The following TPRN variants were observed in gnomAD, a reference collection of about 807,000 sequenced individuals.
The protein encoded by TPRN is chromosome 9 open reading frame 75.
In TPRN, 32 loss-of-function variants were observed where a neutral mutation model predicts 42.6. The observed-to-expected ratio is 0.75, with a 90% CI of 0.57 to 1.01. The LOEUF is 1.01. TPRN is among the 50% of genes least tolerant of loss of function. The pLI is 0.00. For missense variants in TPRN, 1,095 were observed against 957.5 expected, an observed-to-expected ratio of 1.14 and a Z score of -1.90; for synonymous variants, 541 against 445.6, an observed-to-expected ratio of 1.21 and a Z score of -2.70.
rs1255188610 is a variant in TPRN at position 137,199,528 on chromosome 9, T to C, written c.1184A>G (p.Glu395Gly). 6.4e-7 allele frequency: 1 copy of C among 1,569,076 alleles called. No homozygotes were observed. Among genetic ancestry groups the C allele is most frequent in the East Asian group, 2.4e-5 (1 of 42,160 alleles). The change falls in exon 1 of 4, where the codon GAG (glutamate) becomes GGG (glycine). Residue 395 changes from glutamate to glycine, a missense_variant. Physicochemically the swap from Glu to Gly is moderately conservative, Grantham distance 98. Coordinates refer to ENST00000409012, the MANE Select transcript of TPRN (RefSeq NM_001128228.3). ...PLEVEAQWAV[E>G]EGACPRTATA... ...GGCTGTCCTGGGACAGGCCCCCTCCTCGACTGCCCACTGTGCCTCGACCTC... is the reference window on the plus strand; with the variant it reads ...GGCTGTCCTGGGACAGGCCCCCTCCCCGACTGCCCACTGTGCCTCGACCTC...
chr9:137,192,791 G>A (rs1291397097), intron 1 of TPRN, 100 bp from the exon 2 acceptor site: 2 of 1,341,614 alleles, frequency 1.5e-6, no homozygotes, highest in Admixed American at 1.7e-5. Context: ...GACCCAAGTG[G>A]GGCGCCAGAC....
In TPRN at chr9:137,192,347, G is replaced by C. The variant is rs767355968; in HGVS notation, c.1985C>G (p.Pro662Arg). 25 of 1,612,972 alleles carry C rather than the reference G, an allele frequency of 1.5e-5. No homozygotes were observed. The highest frequency in any genetic ancestry group is 1.9e-5 in the Non-Finnish European group (23 of 1,180,014). The change falls in exon 3 of 4, where the codon CCG (proline) becomes CGG (arginine). Residue 662 changes from proline (P) to arginine (R), a missense_variant. Physicochemically the swap from Pro to Arg is moderately radical, Grantham distance 103. Coordinates refer to ENST00000409012, the MANE Select transcript of TPRN (RefSeq NM_001128228.3). Reference protein sequence around the residue: ...EGSSGLSSYTPKHSVAFSKWQ... With the variant: ...EGSSGLSSYTRKHSVAFSKWQ... ...CTTGCTGAAGGCCACAGAGTGCTTC[G>C]GGGTGTAGCTGGACAGGCCTGTGAA...
In TPRN at chr9:137,200,148, G is replaced by A. The variant is rs1834782277; in HGVS notation, c.564C>T (p.Ser188=). 3.3e-6 allele frequency: 4 copies of A among 1,216,950 alleles called. No homozygotes were observed. Among genetic ancestry groups the A allele is most frequent in the Admixed American group, 4.4e-5 (1 of 22,810 alleles). The allele number at this position is 1,216,950 out of a possible 1,614,324, so 75.4% of individuals were successfully genotyped here. The change falls in exon 1 of 4, where the codon AGC becomes AGT. Residue 188 remains serine, a synonymous_variant. Transcript: ENST00000409012. This position sits in a 1 kb window ranked among gnomAD's most constrained non-coding sequence, Gnocchi z 4.3. ...AAPGPRGGGA[S]PGARRSDFLQ... ...GGAAGTCGCTGCGCCGGGCCCCGGG[G>A]CTCGCCCCGCCACCGCGGGGCCCGG...
intron 1 of TPRN, among the ~76,000 whole-genome samples, chr9:137,195,670 C>T (rs1834694896): frequency 6.6e-6 from 1 of 152,150 alleles, no homozygotes; most frequent in South Asian, 2.1e-4. Flanking sequence ...AGGACTGAGC[C>T]CTGGGGACAC....
chr9:137,194,929 A>C (rs995085614), intron 1 of TPRN: 3 of 152,396 alleles, frequency 2.0e-5, no homozygotes, highest in Non-Finnish European at 4.4e-5. Flanking sequence ...CCAACAGAGC[A>C]GGCAGGTGGG....
In TPRN at chr9:137,199,355, G is replaced by A. The variant is rs555138530; in HGVS notation, c.1357C>T (p.Leu453=). The A allele has an allele frequency of 1.2e-6, 2 of 1,612,770 alleles. No individual in the cohort carries two copies. The highest frequency in any genetic ancestry group is 2.2e-5 in the East Asian group (1 of 44,884). Residue 453 remains leucine, a synonymous_variant, in exon 1 of 4, where the codon CTG becomes TTG. Coordinates refer to ENST00000409012, the MANE Select transcript of TPRN (RefSeq NM_001128228.3). Reference sequence around the variant, plus strand: ...ACCTCATCGATGAAGGTGACAGGCAGCCCCGGCCTCACATATTCCCGGCTA... The same window carrying A: ...ACCTCATCGATGAAGGTGACAGGCAACCCCGGCCTCACATATTCCCGGCTA... ...KNSREYVRPG[L]PVTFIDEVDS...
intron 1 of TPRN, among the ~76,000 whole-genome samples, chr9:137,198,675 G>A (rs1389319217): frequency 6.6e-6 from 1 of 152,264 alleles, no homozygotes; most frequent in African/African-American, 2.4e-5. Context: ...ACTCACAAAG[G>A]GACAGACCCG....
In TPRN at chr9:137,200,242, G is replaced by C. The variant is rs914939520; in HGVS notation, c.470C>G (p.Pro157Arg). 4,205 of 971,252 alleles carry C rather than the reference G, an allele frequency of 4.3e-3. 9 individuals are homozygous for C. The highest frequency in any genetic ancestry group is 5.0e-3 in the Non-Finnish European group (4,067 of 821,284). 60.2% of individuals were successfully genotyped at this position (971,252 alleles called of 1,614,324 possible). A position where few individuals can be genotyped will look rare whatever the true frequency, so the allele number is the denominator to read the frequency against. ...RRRGSPERAR[P>R]PPPPPPPAPP... ...CGCGGGCGGCGGCGGCGGCGGCGGG[G>C]GGCGGGCGCGCTCGGGGCTCCCGCG... The change falls in exon 1 of 4, where the codon CCC (proline) becomes CGC (arginine). Residue 157 changes from proline to arginine, a missense_variant. By Grantham distance (103) the Pro-to-Arg change is moderately radical. Transcript: ENST00000409012. The surrounding 1 kb of genome is among the most constrained non-coding windows in gnomAD (Gnocchi z 4.3).
At chr9:137,197,629 G>A (rs1469144695) in intron 1 of TPRN, among the ~76,000 whole-genome samples, 1 of 152,212 alleles carries the variant, frequency 6.6e-6, no homozygotes, top group Non-Finnish European at 1.5e-5. Flanking sequence ...GCCACCTCTG[G>A]GGCAAGCCCA....
Position 137,192,564 on chromosome 9 carries a change from TC to T in TPRN, c.1852del (p.Glu618ArgfsTer23), listed in dbSNP as rs756168103. The T allele has an allele frequency of 6.2e-7, 1 of 1,611,582 alleles. No homozygotes were observed. Among genetic ancestry groups the T allele is most frequent in the South Asian group, 1.1e-5 (1 of 90,894 alleles). ...CTCTGAGCCGGATCCCTCTTCCTCC[TC>T]TTCCTCTTCCTCCTCCTCCTCCTCC... is the stretch of plus-strand genomic sequence containing the variant. ...EEEEEEEEEE[E>X]EEEGSGSEEK... is the part of the protein sequence containing the mutation. On this transcript the variant is annotated frameshift_variant, in exon 2 of 4. Coordinates refer to ENST00000409012, the MANE Select transcript of TPRN (RefSeq NM_001128228.3). LOFTEE classifies it high-confidence loss of function.
intron 1 of TPRN, chr9:137,194,575 T>A (rs1471281970): frequency 1.3e-5 from 2 of 152,202 alleles, no homozygotes; most frequent in Non-Finnish European, 2.9e-5. Flanking sequence ...CTCGTGCACA[T>A]GACCGGTCCC....
In TPRN at chr9:137,199,672, C is replaced by G. The variant is rs1407808674; in HGVS notation, c.1040G>C (p.Gly347Ala). 2.5e-6 allele frequency: 4 copies of G among 1,597,978 alleles called. No homozygotes were observed. The highest frequency in any genetic ancestry group is 2.6e-6 in the Non-Finnish European group (3 of 1,173,074). ...SKASGAPPPEGRQSVELPKGD... is the reference protein window; with the variant it reads ...SKASGAPPPEARQSVELPKGD... ...CTTTGGCAGCTCCACGGACTGCCTC[C>G]CCTCAGGAGGAGGAGCCCCGGAGGC... Residue 347 changes from glycine (G) to alanine (A), a missense_variant, in exon 1 of 4, where the codon GGG becomes GCG. Coordinates refer to ENST00000409012, the MANE Select transcript of TPRN (RefSeq NM_001128228.3).
At chr9:137,197,202 A>T (rs1159584981) in intron 1 of TPRN, among the ~76,000 whole-genome samples, 1 of 152,040 alleles carries the variant, frequency 6.6e-6, no homozygotes, top group Non-Finnish European at 1.5e-5. Context: ...GGGTTCAAGC[A>T]ATTCTCCTGC....
chr9:137,196,307 G>T (rs943282935), intron 1 of TPRN, among the ~76,000 whole-genome samples: 1 of 152,208 alleles, frequency 6.6e-6, no homozygotes, highest in Non-Finnish European at 1.5e-5. Context: ...AAAGGCTGGG[G>T]TCAGCACGGT....
intron 1 of TPRN, 131 bp downstream of exon 1, chr9:137,198,856 G>C: frequency 6.4e-6 from 10 of 1,552,176 alleles, no homozygotes; most frequent in Non-Finnish European, 8.7e-6. Context: ...GCCCCAGCTC[G>C]CCTCAAGTCC....
At position 137,200,680 on chromosome 9, in the gene TPRN, G is replaced by T; in HGVS notation, c.32C>A (p.Pro11Gln). Residue 11 changes from proline to glutamine, a missense_variant, in exon 1 of 4, where the codon CCG becomes CAG. Pro to Gln is a moderately conservative substitution (Grantham distance 76). Transcript: ENST00000409012. The surrounding 1 kb of genome is among the most constrained non-coding windows in gnomAD (Gnocchi z 4.3). Reference sequence around the variant, plus strand: ...CTTCCAAGCGGGCACCGCAGCGCGCGGCCCCGAGCCCGGCCGCCCCAGGGC... The same window carrying T: ...CTTCCAAGCGGGCACCGCAGCGCGCTGCCCCGAGCCCGGCCGCCCCAGGGC... Reference protein sequence around the residue: MAALGRPGSGPRAAVPAWKRE... With the variant: MAALGRPGSGQRAAVPAWKRE... 1 of 1,226,668 alleles carries T rather than the reference G, an allele frequency of 8.2e-7. No homozygotes were observed. The allele number at this position is 1,226,668 out of a possible 1,614,324, so 76.0% of individuals were successfully genotyped here.
chr9:137,200,412 G>A lies in TPRN; in HGVS notation c.300C>T (p.Ile100=). 1.8e-6 allele frequency: 2 copies of A among 1,122,116 alleles called. No individual in the cohort carries two copies. The highest frequency in any genetic ancestry group is 2.2e-6 in the Non-Finnish European group (2 of 914,064). 69.5% of individuals were successfully genotyped at this position (1,122,116 alleles called of 1,614,324 possible). A position where few individuals can be genotyped will look rare whatever the true frequency, so the allele number is the denominator to read the frequency against. The change falls in exon 1 of 4, where the codon ATC becomes ATT. Residue 100 remains isoleucine (I), a synonymous_variant. Transcript: ENST00000409012. This position sits in a 1 kb window ranked among gnomAD's most constrained non-coding sequence, Gnocchi z 4.3. ...CGGGCGGGAAGCCGGGCACCGTCTC[G>A]ATGATGAGGACGCTGTCGGCGCGGA... ...RALRADSVLI[I]ETVPGFPPAP... is the part of the protein sequence containing the mutation.
chr9:137,192,007 C>T lies in TPRN; in HGVS notation c.*105G>A. On this transcript the variant is annotated 3_prime_UTR_variant, in exon 4 of 4. Transcript: ENST00000409012. ...AGGGCCAGGAGGGGTGGGTGGGATACAGTGAGGCCAAACAAGGCAGAAGCG... is the reference window on the plus strand; with the variant it reads ...AGGGCCAGGAGGGGTGGGTGGGATATAGTGAGGCCAAACAAGGCAGAAGCG... 7.1e-7 allele frequency: 1 copy of T among 1,410,842 alleles called. No individual in the cohort carries two copies. The highest frequency in any genetic ancestry group is 9.8e-7 in the Non-Finnish European group (1 of 1,023,870). The allele number at this position is 1,410,842 out of a possible 1,614,324, so 87.4% of individuals were successfully genotyped here.
rs777892462 is a variant in TPRN at position 137,199,807 on chromosome 9, G to T, written c.905C>A (p.Ala302Asp). 7.0e-5 allele frequency: 111 copies of T among 1,596,372 alleles called. No homozygotes were observed. In the South Asian group the frequency reaches 1.1e-3, roughly 17 times the overall value. Residue 302 changes from alanine to aspartate, a missense_variant, in exon 1 of 4, where the codon GCC becomes GAC. Ala to Asp is a moderately radical substitution (Grantham distance 126, BLOSUM62 -2). Transcript: ENST00000409012. Reference sequence around the variant, plus strand: ...GATGGTCTCCATAACTGGCTTGGGGGCCGGCCGTATCTCGAAGGAGTCGTT... The same window carrying T: ...GATGGTCTCCATAACTGGCTTGGGGTCCGGCCGTATCTCGAAGGAGTCGTT... ...STNDSFEIRP[A>D]PKPVMETIPL...
Sources: gnomAD v4.1 joint callset for allele counts (sites outside exome capture counted in the v4.1 genomes callset) on GRCh38, gnomAD v4.1.1 for gene constraint, Gnocchi (gnomAD v3.1) non-coding constraint, MANE v1.5 for transcripts, NCBI Gene and HGNC (gene_info 2026-07-23, HGNC 2026-07-21) for gene names.